CHRNA7: variants seen among roughly 807,000 people sequenced by gnomAD.
The protein encoded by CHRNA7 is cholinergic receptor nicotinic alpha 7 subunit.
CHRNA7 carries 17 observed loss-of-function variants against 48.0 expected under a neutral mutation model. That is an observed-to-expected ratio of 0.35 (90% CI 0.24 to 0.53). The LOEUF (loss-of-function observed/expected upper bound fraction) is 0.53, where lower values mean the gene tolerates loss of function less well. Among genes scored for constraint, CHRNA7 ranks in the 20% least tolerant of loss-of-function variants. The pLI, the probability that CHRNA7 is intolerant of heterozygous loss-of-function variation, is 0.92. For missense variants in CHRNA7, 155 were observed against 577.7 expected, an observed-to-expected ratio of 0.27 and a Z score of 7.50; for synonymous variants, 75 against 242.3, an observed-to-expected ratio of 0.31 and a Z score of 6.41.
At chr15:32,043,511 A>G (rs1190961954) in intron 2 of CHRNA7, among the ~76,000 whole-genome samples, 2 of 151,592 alleles carry the variant, frequency 1.3e-5, no homozygotes, top group South Asian at 2.1e-4. Flanking sequence ...TTAGTTTGTT[A>G]GTCATATTTC....
In CHRNA7 at chr15:32,045,518, A is replaced by G. The variant is rs1175347411; in HGVS notation, c.195+14481A>G. ...AGGGCATAAATACAGAGAATTTACT[A>G]GAGTCTTCTCTCTCTTCAATAAGTT... On this transcript the variant is annotated intron_variant, in intron 2 of 9. Coordinates refer to ENST00000306901, the MANE Select transcript of CHRNA7 (RefSeq NM_000746.6). Among the ~76,000 whole-genome samples the G allele has an allele frequency of 4.0e-5, 6 of 151,246 alleles. No individual in the cohort carries two copies. The East Asian group carries it at 1.2e-3, about 29-fold the overall frequency.
chr15:32,151,734 G>T (rs765296527), intron 4 of CHRNA7, among the ~76,000 whole-genome samples: 32 of 152,076 alleles, frequency 2.1e-4, no homozygotes, highest in Non-Finnish European at 4.4e-4. Flanking sequence ...CCTCTTGAAT[G>T]TTGTGAGGAC....
At chr15:32,099,659 AAAC>A (rs1269562672) in intron 2 of CHRNA7, 4 of 152,220 alleles carry the variant, frequency 2.6e-5, no homozygotes, top group Admixed American at 2.0e-4. Context: ...AGTCCATTAA[AAAC>A]AACAACTCCT....
intron 4 of CHRNA7, among the ~76,000 whole-genome samples, chr15:32,131,109 C>T (rs1031149279): frequency 2.0e-5 from 3 of 151,898 alleles, no homozygotes; most frequent in Admixed American, 1.3e-4. Context: ...TCAAGATTTT[C>T]TCTTTGTGTT....
chr15:32,038,056 G>GTGTA (rs1555372369), intron 2 of CHRNA7, among the ~76,000 whole-genome samples: 22 of 144,216 alleles, frequency 1.5e-4, no homozygotes, highest in East Asian at 8.0e-4. Flanking sequence ...TTTTGGATAT[G>GTGTA]TATATATATA....
intron 2 of CHRNA7, among the ~76,000 whole-genome samples, chr15:32,033,062 G>A (rs183050008): frequency 6.6e-5 from 10 of 152,294 alleles, no homozygotes; most frequent in East Asian, 1.9e-4. Context: ...GGAAATGCAT[G>A]TGAAGAAGGC....
intron 9 of CHRNA7, among the ~76,000 whole-genome samples, chr15:32,164,940 AAAAAG>A (rs1196429994): frequency 1.6e-5 from 2 of 126,960 alleles, no homozygotes; most frequent in African/African-American, 3.0e-5. Context: ...AAAAAAAAAA[AAAAAG>A]ACTGACTTGT....
intron 2 of CHRNA7, among the ~76,000 whole-genome samples, chr15:32,048,759 G>A (rs2049604870): frequency 6.6e-6 from 1 of 151,934 alleles, no homozygotes; most frequent in African/African-American, 2.4e-5. Context: ...TAATTGTGCT[G>A]TTAGGGTGTC....
At chr15:32,090,404 C>A (rs2050364106) in intron 2 of CHRNA7, among the ~76,000 whole-genome samples, 1 of 152,178 alleles carries the variant, frequency 6.6e-6, no homozygotes, top group African/African-American at 2.4e-5. Context: ...ATTGTAGAGA[C>A]CTCAGCAAGA....
intron 4 of CHRNA7, among the ~76,000 whole-genome samples, chr15:32,125,522 G>C (rs758877532): frequency 3.6e-5 from 5 of 137,360 alleles, no homozygotes; most frequent in African/African-American, 5.8e-5. Context: ...AGACTCTAGA[G>C]ACGCTCCGCT....
chr15:32,044,536 A>G (rs906388955), intron 2 of CHRNA7, among the ~76,000 whole-genome samples: 35 of 152,178 alleles, frequency 2.3e-4, no homozygotes, highest in Non-Finnish European at 4.0e-4. Flanking sequence ...TCAGCCTCCC[A>G]AAGTGCTGGG....
chr15:32,085,126 G>A (rs1249572115), intron 2 of CHRNA7, among the ~76,000 whole-genome samples: 3 of 152,192 alleles, frequency 2.0e-5, no homozygotes, highest in African/African-American at 4.8e-5. Flanking sequence ...ACTGCACCCG[G>A]CCTCCCCCTA....
chr15:32,111,979 G>C, intron 4 of CHRNA7, 80 bp downstream of exon 4: 1 of 905,692 alleles, frequency 1.1e-6, no homozygotes, highest in African/African-American at 1.6e-5. Flanking sequence ...ATATTTCACA[G>C]AGATGCTGGA....
chr15:32,101,885 TCCAATTGTAAATATTAACA>T (rs1296284538), intron 3 of CHRNA7: 9 of 152,280 alleles, frequency 5.9e-5, no homozygotes, highest in African/African-American at 2.2e-4. Flanking sequence ...CCACTTAACA[TCCAATTGTAAATATTAACA>T]CTGAAAAATG....
At chr15:32,156,190 C>T (rs2051735255) in intron 5 of CHRNA7, 1 of 137,460 alleles carries the variant, frequency 7.3e-6, no homozygotes, top group African/African-American at 2.9e-5. Context: ...AATTCTCTGT[C>T]TGTCTCGGGC....
At chr15:32,136,942 G>A (rs2051273016) in intron 4 of CHRNA7, among the ~76,000 whole-genome samples, 1 of 144,062 alleles carries the variant, frequency 6.9e-6, no homozygotes, top group Admixed American at 7.2e-5. Flanking sequence ...TGAGGCAGGA[G>A]AATGGCGTGA....
At chr15:32,124,565 A>C (rs2051031645) in intron 4 of CHRNA7, among the ~76,000 whole-genome samples, 1 of 152,258 alleles carries the variant, frequency 6.6e-6, no homozygotes, top group Non-Finnish European at 1.5e-5. Flanking sequence ...ATAAACTAAG[A>C]CTGGAAGAAA....
At chr15:32,085,401 A>G (rs2141238244) in intron 2 of CHRNA7, among the ~76,000 whole-genome samples, 1 of 152,322 alleles carries the variant, frequency 6.6e-6, no homozygotes, top group African/African-American at 2.4e-5. Context: ...ATCCTTATGC[A>G]TACAAAGAAA....
chr15:32,132,659 AAGAG>A (rs1345028689), intron 4 of CHRNA7, among the ~76,000 whole-genome samples: 2 of 152,088 alleles, frequency 1.3e-5, no homozygotes, highest in African/African-American at 2.4e-5. Flanking sequence ...GGCAGAGAGA[AAGAG>A]AGAGGGAGTG....
Sources: allele counts gnomAD v4.1 joint callset (sites outside exome capture counted in the v4.1 genomes callset), GRCh38; gene constraint gnomAD v4.1.1; transcripts MANE v1.5; gene names NCBI Gene and HGNC (gene_info 2026-07-23, HGNC 2026-07-21).